The following CCSER1 variants were observed in gnomAD, a reference collection of about 807,000 sequenced individuals.
CCSER1 encodes serine-rich coiled-coil domain-containing protein 1.
Under a neutral mutation model 82.0 loss-of-function variants are expected in CCSER1, and 41 were observed. The ratio of observed to expected loss-of-function variants is 0.50; its 90% CI spans 0.39 to 0.65. The LOEUF is 0.65. Ranked by LOEUF, CCSER1 falls within the 30% of genes least tolerant of loss-of-function variation. The probability of loss-of-function intolerance (pLI) is 0.00; values close to 1 mark genes in which losing one functional copy is unlikely to be tolerated. For missense variants in CCSER1, 1,119 were observed against 1,064.2 expected (o/e 1.05, Z -0.72); for synonymous variants, 414 against 383.9 (o/e 1.08, Z -0.92).
At chr4:90,206,342 T>C (rs909645614) in intron 1 of CCSER1, among the ~76,000 whole-genome samples, 2 of 152,220 alleles carry the variant, frequency 1.3e-5, no homozygotes, top group African/African-American at 4.8e-5. Flanking sequence ...TTTACTGCTA[T>C]AAATTTCCCT....
chr4:90,532,460 C>T (rs909236103), intron 5 of CCSER1, among the ~76,000 whole-genome samples: 1 of 152,024 alleles, frequency 6.6e-6, no homozygotes, highest in Non-Finnish European at 1.5e-5. Context: ...ACCCATCTAG[C>T]CTTGTCTGCC....
At chr4:90,476,978 C>G (rs1765201995) in intron 5 of CCSER1, among the ~76,000 whole-genome samples, 1 of 152,106 alleles carries the variant, frequency 6.6e-6, no homozygotes, top group Non-Finnish European at 1.5e-5. Flanking sequence ...ACTATAAATA[C>G]AGATTTGTCA....
chr4:90,564,245 G>A (rs1219800151), intron 5 of CCSER1, among the ~76,000 whole-genome samples: 2 of 152,028 alleles, frequency 1.3e-5, no homozygotes, highest in South Asian at 2.1e-4. Flanking sequence ...CATAGAGATG[G>A]GGGTCTCACT....
chr4:90,313,218 T>C, intron 3 of CCSER1, 171 bp downstream of exon 3: 1 of 604,392 alleles, frequency 1.7e-6, no homozygotes, highest in South Asian at 2.1e-5. Flanking sequence ...TTCACCTAGG[T>C]CAGGATGGAG....
chr4:91,369,836 AT>A (rs11309502), intron 10 of CCSER1, among the ~76,000 whole-genome samples: 60,037 of 144,910 alleles, frequency 0.41, 12,664 homozygotes, highest in East Asian at 0.81. Flanking sequence ...CGCCTAGCTA[AT>A]TTTTTTTTTT....
chr4:90,748,971 C>T (rs1389307796), intron 7 of CCSER1, among the ~76,000 whole-genome samples: 1 of 149,676 alleles, frequency 6.7e-6, no homozygotes, highest in Non-Finnish European at 1.5e-5. Flanking sequence ...CGAAAATTTT[C>T]TCCCATTTTG....
In CCSER1 at chr4:91,434,100, G is replaced by A. The variant is rs112060841; in HGVS notation, c.2218-164472G>A. 6.6e-4 allele frequency among the ~76,000 whole-genome samples: 100 copies of A among 152,230 alleles called. 2 individuals are homozygous for A. Among genetic ancestry groups the A allele is most frequent in the South Asian group, 4.1e-3 (20 of 4,826 alleles). ...ACACAGTCTTGAATTATGGTACTCCGGCTGCACAAAATATTCAGAAGGAAT... is the reference window on the plus strand; with the variant it reads ...ACACAGTCTTGAATTATGGTACTCCAGCTGCACAAAATATTCAGAAGGAAT... On this transcript the variant is annotated intron_variant, in intron 10 of 10. Coordinates refer to ENST00000509176, the MANE Select transcript of CCSER1 (RefSeq NM_001145065.2).
intron 1 of CCSER1, among the ~76,000 whole-genome samples, chr4:90,156,610 C>T (rs1215627155): frequency 2.6e-5 from 4 of 152,110 alleles, no homozygotes; most frequent in Admixed American, 1.3e-4. Flanking sequence ...TTGAATTGAT[C>T]CCTTTACCAT....
At chr4:90,192,774 T>TA (rs1735899219) in intron 1 of CCSER1, among the ~76,000 whole-genome samples, 1 of 152,106 alleles carries the variant, frequency 6.6e-6, no homozygotes, top group South Asian at 2.1e-4. Context: ...CTGAAGTTAG[T>TA]AAAAAAATTT....
intron 10 of CCSER1, among the ~76,000 whole-genome samples, chr4:91,151,111 G>T (rs1730143006): frequency 6.6e-6 from 1 of 151,962 alleles, no homozygotes; most frequent in African/African-American, 2.4e-5. Flanking sequence ...GACTTTTTTT[G>T]GTTGGTAGGC....
chr4:91,299,976 AC>A (rs1744541629), intron 10 of CCSER1, among the ~76,000 whole-genome samples: 1 of 151,648 alleles, frequency 6.6e-6, no homozygotes, highest in African/African-American at 2.4e-5. Flanking sequence ...AAAAAACAAA[AC>A]ATTGCCAAGT....
intron 10 of CCSER1, among the ~76,000 whole-genome samples, chr4:91,339,084 A>G (rs528150085): frequency 1.8e-4 from 28 of 152,254 alleles, no homozygotes; most frequent in African/African-American, 4.3e-4. Context: ...CTTGATGCTT[A>G]TGAATAGTCT....
intron 10 of CCSER1, among the ~76,000 whole-genome samples, chr4:91,353,207 G>C (rs1748593014): frequency 6.6e-6 from 1 of 152,172 alleles, no homozygotes; most frequent in Admixed American, 6.5e-5. Flanking sequence ...GCAAGCTACT[G>C]CCTTAAAATC....
chr4:90,453,767 T>C (rs1298167790), intron 4 of CCSER1, among the ~76,000 whole-genome samples: 4 of 146,752 alleles, frequency 2.7e-5, no homozygotes, highest in Admixed American at 1.3e-4. Flanking sequence ...GAGAAAACTA[T>C]TGGGTTAAAG....
At chr4:90,281,208 G>A (rs1268438166) in intron 1 of CCSER1, among the ~76,000 whole-genome samples, 1 of 151,916 alleles carries the variant, frequency 6.6e-6, no homozygotes, top group East Asian at 1.9e-4. Context: ...AAAACTAAAC[G>A]CCACGTGATC....
intron 8 of CCSER1, among the ~76,000 whole-genome samples, chr4:90,851,210 T>G (rs150428637): frequency 6.6e-6 from 1 of 152,240 alleles, no homozygotes; most frequent in African/African-American, 2.4e-5. Flanking sequence ...CTTCATAACA[T>G]CATGAGAACA....
intron 9 of CCSER1, among the ~76,000 whole-genome samples, chr4:90,933,503 T>A (rs868648322): frequency 4.3e-4 from 65 of 152,066 alleles, no homozygotes; most frequent in Non-Finnish European, 3.5e-4. Flanking sequence ...TTTTTTTTTT[T>A]TAATTTATGA....
At chr4:90,806,596 TA>T in intron 7 of CCSER1, among the ~76,000 whole-genome samples, 1 of 152,106 alleles carries the variant, frequency 6.6e-6, no homozygotes, top group Non-Finnish European at 1.5e-5. Context: ...ACTACAGCAT[TA>T]GCTTTTTCAA....
chr4:90,347,037 G>T (rs1044655541), intron 3 of CCSER1, among the ~76,000 whole-genome samples: 1 of 151,960 alleles, frequency 6.6e-6, no homozygotes, highest in African/African-American at 2.4e-5. Context: ...TGATCTTTCC[G>T]AAGGCTCTTT....
Sources: gnomAD v4.1 joint callset for allele counts (sites outside exome capture counted in the v4.1 genomes callset) on GRCh38, gnomAD v4.1.1 for gene constraint, MANE v1.5 for transcripts, NCBI Gene and HGNC (gene_info 2026-07-23, HGNC 2026-07-21) for gene names.